Variants in FHDC1 observed in about 807,000 individuals in gnomAD.
The protein encoded by FHDC1 is FH2 domain-containing protein 1.
Under a neutral mutation model 52.6 loss-of-function variants are expected in FHDC1, and 25 were observed. The ratio of observed to expected loss-of-function variants is 0.48; its 90% CI spans 0.35 to 0.66. The LOEUF is 0.66. FHDC1 is among the 30% of genes least tolerant of loss of function. The pLI, the probability that FHDC1 is intolerant of heterozygous loss-of-function variation, is 0.01. For synonymous variants in FHDC1, 616 were observed against 581.5 expected (o/e 1.06, Z -0.85); for missense variants, 1,459 against 1,452.8 (o/e 1.00, Z -0.07).
At chr4:152,962,979 G>GTGTGTA (rs1554041292) in intron 7 of FHDC1, 44 bp from the exon 8 acceptor site, 38 of 1,445,584 alleles carry the variant, frequency 2.6e-5, no homozygotes, top group Middle Eastern at 1.7e-4. Flanking sequence ...GTGTGTGTGT[G>GTGTGTA]TGTATGTATA....
chr4:152,918,785 A>G, the FHDC1 span, among the ~76,000 whole-genome samples: 1 of 151,910 alleles, frequency 6.6e-6, no homozygotes, highest in Admixed American at 6.6e-5. Flanking sequence ...CTAAAATCTT[A>G]TGATACCTGG....
upstream of FHDC1, among the ~76,000 whole-genome samples, chr4:152,933,004 A>G (rs1739277487): frequency 6.6e-6 from 1 of 152,230 alleles, no homozygotes; most frequent in African/African-American, 2.4e-5. Context: ...TGCAAATCGA[A>G]TCAGGAAAAC....
Position 152,974,980 on chromosome 4 carries a change from G to A in FHDC1, c.1689G>A (p.Glu563=). 1 of 1,612,552 alleles carries A rather than the reference G, an allele frequency of 6.2e-7. No homozygotes were observed. The highest frequency in any genetic ancestry group is 8.5e-7 in the Non-Finnish European group (1 of 1,179,852). ...TFLESSTGSP[E]EPNKFHSLPR... is the part of the protein sequence containing the mutation. ...TGGAGAGCTCCACCGGCAGCCCTGAGGAGCCCAATAAGTTCCACAGCCTGC... is the reference window on the plus strand; with the variant it reads ...TGGAGAGCTCCACCGGCAGCCCTGAAGAGCCCAATAAGTTCCACAGCCTGC... The change falls in exon 12 of 12, where the codon GAG becomes GAA. Residue 563 remains glutamate (E), a synonymous_variant. Transcript: ENST00000511601.
rs536780914 is a variant in FHDC1, at chr4:152,977,826, G to T, written c.*1103G>T. 6.6e-6 allele frequency: 1 copy of T among 152,188 alleles called. No homozygotes were observed. The highest frequency in any genetic ancestry group is 2.1e-4 in the South Asian group (1 of 4,820). 9.4% of individuals were successfully genotyped at this position (152,188 alleles called of 1,614,324 possible). A position where few individuals can be genotyped will look rare whatever the true frequency, so the allele number is the denominator to read the frequency against. ...TTCAGAGTTTCACCTGCCCACACAG[G>T]GTCCGTTGCTGGCAACTGGACTTCC... On this transcript the variant is annotated 3_prime_UTR_variant, in exon 12 of 12. Coordinates refer to ENST00000511601, the MANE Select transcript of FHDC1 (RefSeq NM_001371116.1).
Position 152,938,583 on chromosome 4 carries a change from C to T in FHDC1, c.-131+2174C>T, listed in dbSNP as rs535314078. 1.5e-4 allele frequency among the ~76,000 whole-genome samples: 23 copies of T among 152,244 alleles called. No individual in the cohort carries two copies. The South Asian group carries it at 3.5e-3, about 23-fold the overall frequency. ...TACTTTCCCCATCCTTTTCTTCTCT[C>T]CCAAATACAATAAAATAGGGCTGTG... On this transcript the variant is annotated intron_variant, in intron 1 of 11. Coordinates refer to ENST00000511601, the MANE Select transcript of FHDC1 (RefSeq NM_001371116.1).
rs779580537 is a variant in FHDC1, at chr4:152,962,885, G to GT, written c.921+2dup. 6 of 1,612,930 alleles carry GT rather than the reference G, an allele frequency of 3.7e-6. No individual in the cohort carries two copies. The highest frequency in any genetic ancestry group is 1.3e-5 in the African/African-American group (1 of 74,532). ...CCAGGCTGGGAATATCATGAATGCAGTAAGTAAAATCCAAAACAATTGTAA... is the reference window on the plus strand; with the variant it reads ...CCAGGCTGGGAATATCATGAATGCAGTTAAGTAAAATCCAAAACAATTGTAA... On this transcript the variant is annotated splice_donor_variant, in intron 7 of 11. Coordinates refer to ENST00000511601, the MANE Select transcript of FHDC1 (RefSeq NM_001371116.1). LOFTEE classifies it high-confidence loss of function.
intron 4 of FHDC1, among the ~76,000 whole-genome samples, chr4:152,955,097 CT>C (rs201458588): frequency 2.0e-5 from 3 of 151,666 alleles, no homozygotes; most frequent in South Asian, 2.1e-4. Context: ...AATCCATATA[CT>C]TTTTTTAAAA....
chr4:152,976,514 C>T lies in FHDC1; in HGVS notation c.3223C>T (p.Pro1075Ser), dbSNP rs1270118914. 1.2e-6 allele frequency: 2 copies of T among 1,613,228 alleles called. No homozygotes were observed. The highest frequency in any genetic ancestry group is 4.5e-5 in the East Asian group (2 of 44,860). ...SQRQLRVKGD[P>S]EDAAPKDSST... ...GCGGCAGCTGAGGGTGAAAGGGGAC[C>T]CCGAGGATGCCGCTCCCAAGGACAG... The change falls in exon 12 of 12, where the codon CCC becomes TCC. Residue 1075 changes from proline (P) to serine (S), a missense_variant. By Grantham distance (74) the Pro-to-Ser change is moderately conservative. Around this residue, in one of 3 missense-constraint regions of FHDC1, gnomAD observed 939 missense variants for 854.5 expected, o/e 1.10. Transcript: ENST00000511601.
intron 6 of FHDC1, among the ~76,000 whole-genome samples, chr4:152,961,243 C>T (rs2149952037): frequency 6.0e-5 from 1 of 16,650 alleles, no homozygotes; most frequent in Middle Eastern, 0.029. Context: ...CCTGTCGTGG[C>T]CTCTTGGTGG....
At chr4:152,967,224 T>C (rs1362213236) in intron 9 of FHDC1, among the ~76,000 whole-genome samples, 2 of 152,116 alleles carry the variant, frequency 1.3e-5, no homozygotes, top group Non-Finnish European at 2.9e-5. Flanking sequence ...TCAGGGGTTC[T>C]AGACCAGCCT....
At chr4:152,921,780 A>C in the FHDC1 span, among the ~76,000 whole-genome samples, 2 of 152,070 alleles carry the variant, frequency 1.3e-5, no homozygotes, top group Non-Finnish European at 2.9e-5. Flanking sequence ...TTTGACATCT[A>C]GCAGAGATAA....
At chr4:152,940,467 T>C (rs1739545305) in intron 1 of FHDC1, among the ~76,000 whole-genome samples, 1 of 152,278 alleles carries the variant, frequency 6.6e-6, no homozygotes, top group Non-Finnish European at 1.5e-5. Context: ...TGGTACTTCC[T>C]CTGTGCAAAG....
rs1164150700 is a variant in FHDC1 at position 152,962,522 on chromosome 4, T to A, written c.851-292T>A. On this transcript the variant is annotated intron_variant, in intron 6 of 11. Coordinates refer to ENST00000511601, the MANE Select transcript of FHDC1 (RefSeq NM_001371116.1). ...TATCTCACGGGATACTGCTTTGCAT[T>A]AGGCTTTTGCATTTTTCACTAATTG... Among the ~76,000 whole-genome samples, 7 of 152,366 alleles carry A rather than the reference T, an allele frequency of 4.6e-5. No individual in the cohort carries two copies. In the East Asian group the frequency reaches 1.3e-3, roughly 29 times the overall value.
At chr4:152,934,646 G>A (rs960965956), upstream of FHDC1, among the ~76,000 whole-genome samples, 3 of 152,178 alleles carry the variant, frequency 2.0e-5, no homozygotes, top group African/African-American at 4.8e-5. Context: ...CTGGGAGATC[G>A]AGAGTTGGAA....
intron 1 of FHDC1, among the ~76,000 whole-genome samples, chr4:152,939,826 A>T (rs943312239): frequency 6.6e-6 from 1 of 152,024 alleles, no homozygotes; most frequent in Non-Finnish European, 1.5e-5. Context: ...GAGGTTTCCA[A>T]CCTGTAGCTG....
At chr4:152,958,398 C>G (rs952193264) in intron 4 of FHDC1, among the ~76,000 whole-genome samples, 3 of 152,176 alleles carry the variant, frequency 2.0e-5, no homozygotes, top group African/African-American at 7.2e-5. Context: ...AATAATCCCT[C>G]TTAAAGAACA....
intron 4 of FHDC1, among the ~76,000 whole-genome samples, chr4:152,960,159 T>C (rs984527786): frequency 4.6e-5 from 7 of 152,336 alleles, no homozygotes; most frequent in Admixed American, 3.3e-4. Flanking sequence ...TAAAGAACCA[T>C]ATTATAATGA....
Position 152,972,423 on chromosome 4 carries a change from T to C in FHDC1, c.1265T>C (p.Leu422Pro). Residue 422 changes from leucine (L) to proline (P), a missense_variant, in exon 11 of 12, where the codon CTC becomes CCC. Leu to Pro is a moderately conservative substitution (Grantham distance 98). Transcript: ENST00000511601. Reference sequence around the variant, plus strand: ...GAACTGGAATGCTGGAAACAAGAGCTCCAGGATGAGGCCTACACCCTTATA... The same window carrying C: ...GAACTGGAATGCTGGAAACAAGAGCCCCAGGATGAGGCCTACACCCTTATA... ...LRELECWKQE[L>P]QDEAYTLIDF... 1.2e-6 allele frequency: 2 copies of C among 1,608,658 alleles called. No individual in the cohort carries two copies. The highest frequency in any genetic ancestry group is 2.2e-5 in the South Asian group (2 of 89,350).
chr4:152,919,396 A>G, the FHDC1 span, among the ~76,000 whole-genome samples: 1 of 152,260 alleles, frequency 6.6e-6, no homozygotes, highest in Non-Finnish European at 1.5e-5. Flanking sequence ...CTTCAGCTCC[A>G]GACTGGAATG....
Sources: allele counts gnomAD v4.1 joint callset (sites outside exome capture counted in the v4.1 genomes callset), GRCh38; gene constraint gnomAD v4.1.1; regional missense constraint gnomAD v4.1.1; transcripts MANE v1.5; gene names NCBI Gene and HGNC (gene_info 2026-07-23, HGNC 2026-07-21).